DGKK: variants seen among roughly 807,000 people sequenced by gnomAD.
DGKK encodes the protein 142 kDa diacylglycerol kinase.
Under a neutral mutation model 92.2 loss-of-function variants are expected in DGKK, and 35 were observed. The ratio of observed to expected loss-of-function variants is 0.38; its 90% CI spans 0.29 to 0.50. The LOEUF is 0.50. Among genes scored for constraint, DGKK ranks in the 20% least tolerant of loss-of-function variants. The probability of loss-of-function intolerance (pLI) is 0.92; values close to 1 mark genes in which losing one functional copy is unlikely to be tolerated. For synonymous variants in DGKK, 368 were observed against 360.6 expected, an observed-to-expected ratio of 1.02 and a Z score of -0.23; for missense variants, 910 against 992.2, an observed-to-expected ratio of 0.92 and a Z score of 1.11.
intron 1 of DGKK, among the ~76,000 whole-genome samples, chrX:50,448,953 C>A (rs1926430870): frequency 9.0e-6 from 1 of 111,662 alleles, no homozygotes; most frequent in Non-Finnish European, 1.9e-5. Flanking sequence ...AATTGAGTGG[C>A]ATCTTTTCCT....
chrX:50,420,261 TAA>T (rs1255931151), intron 4 of DGKK, 140 bp downstream of exon 4: 18 of 511,266 alleles, frequency 3.5e-5, no homozygotes, highest in South Asian at 2.0e-4. Context: ...TGAATAATTC[TAA>T]AGAGGTTTTC....
chrX:50,387,478 G>A, intron 14 of DGKK, 76 bp downstream of exon 14: 2 of 753,670 alleles, frequency 2.7e-6, no homozygotes, highest in East Asian at 3.3e-5. Flanking sequence ...CCCAGTGAGA[G>A]GCATGTTTGC....
chrX:50,371,890 T>G, intron 25 of DGKK, 56 bp from the exon 26 acceptor site: 1 of 777,048 alleles, frequency 1.3e-6, no homozygotes, highest in Non-Finnish European at 1.9e-6. Context: ...TTGTAGACTC[T>G]TACACTCTCC....
chrX:50,454,964 C>G (rs1249138246), intron 1 of DGKK, among the ~76,000 whole-genome samples: 1 of 112,102 alleles, frequency 8.9e-6, no homozygotes, highest in Admixed American at 9.5e-5. Flanking sequence ...TCATATCTTT[C>G]CTTATATTGT....
intron 4 of DGKK, among the ~76,000 whole-genome samples, chrX:50,416,716 A>T (rs1276273429): frequency 9.0e-6 from 1 of 111,583 alleles, no homozygotes; most frequent in Non-Finnish European, 1.9e-5. Flanking sequence ...GTGAAAGGGG[A>T]GCTGTTAATA....
intron 23 of DGKK, 130 bp downstream of exon 23, chrX:50,376,628 C>A (rs1557223869): frequency 1.5e-5 from 9 of 618,581 alleles, no homozygotes; most frequent in Non-Finnish European, 2.1e-5. Flanking sequence ...GGGTCCCGCT[C>A]AATTTTTAGA....
At chrX:50,398,766 G>T in intron 8 of DGKK, among the ~76,000 whole-genome samples, 1 of 111,840 alleles carries the variant, frequency 8.9e-6, no homozygotes. Context: ...ACACCTATTT[G>T]GGGTCATTTG....
intron 23 of DGKK, among the ~76,000 whole-genome samples, chrX:50,376,414 G>A (rs1924273591): frequency 8.9e-6 from 1 of 111,761 alleles, no homozygotes; most frequent in Non-Finnish European, 1.9e-5. Flanking sequence ...GGAATTTGGG[G>A]AGGGTAGAAG....
chrX:50,469,263 T>C (rs1001935479), intron 1 of DGKK, among the ~76,000 whole-genome samples: 2 of 112,144 alleles, frequency 1.8e-5, no homozygotes, highest in African/African-American at 3.2e-5. Context: ...ACCATTCCAA[T>C]TGGCCCTGGT....
Position 50,368,596 on chromosome X carries a change from C to T in DGKK, c.*344G>A, listed in dbSNP as rs1214611625. 1 of 141,957 alleles carries T rather than the reference C, an allele frequency of 7.0e-6. No homozygotes were observed. The highest frequency in any genetic ancestry group is 3.2e-5 in the African/African-American group (1 of 31,714). 11.7% of individuals were successfully genotyped at this position (141,957 alleles called of 1,213,427 possible). A position where few individuals can be genotyped will look rare whatever the true frequency, so the allele number is the denominator to read the frequency against. On this transcript the variant is annotated 3_prime_UTR_variant, in exon 28 of 28. Transcript: ENST00000611977. The stretch of plus-strand genomic sequence containing the variant: ...AGTTTCTCTGCTGGTCAGAGAAAAC[C>T]ATTCCAAAACTCCCTGAAGAGGTGA...
intron 1 of DGKK, among the ~76,000 whole-genome samples, chrX:50,465,021 T>C (rs964397657): frequency 3.6e-5 from 4 of 111,981 alleles, no homozygotes; most frequent in African/African-American, 9.7e-5. Flanking sequence ...GAAAATAATG[T>C]CAGGAAGCTT....
intron 22 of DGKK, among the ~76,000 whole-genome samples, chrX:50,377,496 A>C (rs782652509): frequency 1.2e-4 from 14 of 112,330 alleles, no homozygotes; most frequent in Admixed American, 4.7e-4. Flanking sequence ...CAGAATAGGC[A>C]GTTTATAAAC....
rs1264989887 is a variant in DGKK at position 50,398,749 on chromosome X, C to A, written c.1411+2288G>T. On this transcript the variant is annotated intron_variant, in intron 8 of 27. Coordinates refer to ENST00000611977, the MANE Select transcript of DGKK (RefSeq NM_001013742.4). ...CCAGTTACAAAGGAGAGGCGGCAAC[C>A]CTCTTAACACCTATTTGGGGTCATT... Among the ~76,000 whole-genome samples the A allele has an allele frequency of 3.6e-5, 4 of 111,706 alleles. No homozygotes were observed. The East Asian group carries it at 1.1e-3, about 31-fold the overall frequency.
At chrX:50,424,583 G>T (rs930670697) in intron 1 of DGKK, among the ~76,000 whole-genome samples, 1 of 111,961 alleles carries the variant, frequency 8.9e-6, no homozygotes, top group South Asian at 3.7e-4. Context: ...ACGTTTATCA[G>T]ACTATGTGGC....
At chrX:50,372,610 C>T (rs1924169535) in intron 25 of DGKK, among the ~76,000 whole-genome samples, 1 of 111,835 alleles carries the variant, frequency 8.9e-6, no homozygotes, top group African/African-American at 3.3e-5. Flanking sequence ...ATGGCTTGTC[C>T]CACAGGTTCA....
intron 4 of DGKK, 53 bp from the exon 5 acceptor site, chrX:50,404,237 T>C: frequency 8.7e-7 from 1 of 1,152,908 alleles, no homozygotes; most frequent in Non-Finnish European, 1.2e-6. Context: ...AGAGACGGAT[T>C]AAAGAGGGCC....
intron 1 of DGKK, among the ~76,000 whole-genome samples, chrX:50,450,927 C>G (rs914449881): frequency 4.5e-5 from 5 of 111,204 alleles, no homozygotes; most frequent in Non-Finnish European, 9.4e-5. Flanking sequence ...AACAGAATAG[C>G]CTTGTTCCCT....
At position 50,386,482 on chromosome X, in the gene DGKK, G is replaced by A; in HGVS notation, c.2223C>T (p.Ser741=). The A allele has an allele frequency of 1.7e-6, 2 of 1,210,979 alleles. No homozygotes were observed. Among genetic ancestry groups the A allele is most frequent in the Non-Finnish European group, 2.2e-6 (2 of 895,025 alleles). Residue 741 remains serine, a synonymous_variant, in exon 15 of 28, where the codon AGC becomes AGT. Transcript: ENST00000611977. Reference sequence around the variant, plus strand: ...GAATGAAGGGCTTCCTATCTGCCTTGCTGCTGTCTGCATATTCTGTAGCAC... The same window carrying A: ...GAATGAAGGGCTTCCTATCTGCCTTACTGCTGTCTGCATATTCTGTAGCAC... ...EKSATEYADS[S]KADRKPFIPQ... is the part of the protein sequence containing the mutation.
intron 1 of DGKK, among the ~76,000 whole-genome samples, chrX:50,447,868 A>C (rs1557232166): frequency 9.1e-6 from 1 of 110,279 alleles, no homozygotes; most frequent in African/African-American, 3.3e-5. Flanking sequence ...GTTGCTTTTC[A>C]ATTATTTTTT....
Sources: gnomAD v4.1 joint callset for allele counts (sites outside exome capture counted in the v4.1 genomes callset) on GRCh38, gnomAD v4.1.1 for gene constraint, MANE v1.5 for transcripts, NCBI Gene and HGNC (gene_info 2026-07-23, HGNC 2026-07-21) for gene names.